Variants in NOX4 observed in about 807,000 individuals in gnomAD.
NOX4 encodes the protein NADPH oxidase 4.
NOX4 carries 69 observed loss-of-function variants against 87.6 expected under a neutral mutation model. That is an observed-to-expected ratio of 0.79 (90% CI 0.65 to 0.96). NOX4 has a LOEUF of 0.96. Ranked by LOEUF, NOX4 falls within the 40% of genes least tolerant of loss-of-function variation. The pLI is 0.00. For synonymous variants in NOX4, 275 were observed against 238.2 expected (o/e 1.15, Z -1.42); for missense variants, 680 against 681.5 (o/e 1.00, Z 0.02).
In NOX4 at chr11:89,355,022, A is replaced by T. The variant is rs1466308342; in HGVS notation, c.1157T>A (p.Leu386Gln). ...DWTERFRDLL[L>Q]PPSSQDSEIL... Reference sequence around the variant, plus strand: ...TTCGGAGTCTTGACTAGATGGAGGCAGTAGTAAATCTCGAAATCGTTCTGT... The same window carrying T: ...TTCGGAGTCTTGACTAGATGGAGGCTGTAGTAAATCTCGAAATCGTTCTGT... Residue 386 changes from leucine (L) to glutamine (Q), a missense_variant, in exon 13 of 18, where the codon CTG (leucine) becomes CAG (glutamine). Physicochemically the swap from Leu to Gln is moderately radical, Grantham distance 113 (BLOSUM62 -2). Transcript: ENST00000263317. 1.2e-5 allele frequency: 19 copies of T among 1,600,576 alleles called. No individual in the cohort carries two copies. In the Middle Eastern group the frequency reaches 8.3e-4, roughly 70 times the overall value.
At chr11:89,543,768 G>T in the NOX4 span, among the ~76,000 whole-genome samples, 1 of 152,038 alleles carries the variant, frequency 6.6e-6, no homozygotes, top group African/African-American at 2.4e-5. Flanking sequence ...CTCCTCAATT[G>T]TCATTGTGGA....
At chr11:89,563,195 C>T in the NOX4 span, among the ~76,000 whole-genome samples, 185 of 152,232 alleles carry the variant, frequency 1.2e-3, no homozygotes, top group South Asian at 8.1e-3. Context: ...TAATAATATT[C>T]AGAAAAGAGG....
the NOX4 span, among the ~76,000 whole-genome samples, chr11:89,543,015 C>T: frequency 2.0e-5 from 3 of 152,170 alleles, no homozygotes; most frequent in East Asian, 1.9e-4. Context: ...AATTAAAGCT[C>T]TTTAGAAATG....
the NOX4 span, among the ~76,000 whole-genome samples, chr11:89,573,247 G>A: frequency 1.3e-5 from 2 of 152,138 alleles, no homozygotes; most frequent in Non-Finnish European, 2.9e-5. Context: ...TTTAAGAACT[G>A]ATGCTTTTGG....
chr11:89,514,007 A>G, the NOX4 span, among the ~76,000 whole-genome samples: 1 of 152,092 alleles, frequency 6.6e-6, no homozygotes, highest in Admixed American at 6.6e-5. Context: ...CAGCCTCTAG[A>G]ACCACAAGGT....
At chr11:89,486,731 TA>T (rs780421519) in intron 2 of NOX4, among the ~76,000 whole-genome samples, 15 of 145,592 alleles carry the variant, frequency 1.0e-4, no homozygotes, top group Admixed American at 7.1e-4. Context: ...TATATATGTA[TA>T]TTTTTTTTAT....
chr11:89,476,874 A>G (rs1029376094), intron 2 of NOX4, among the ~76,000 whole-genome samples: 8 of 152,230 alleles, frequency 5.3e-5, no homozygotes, highest in Admixed American at 2.0e-4. Flanking sequence ...AGGAAACTAA[A>G]TAAGTCCTAT....
At position 89,400,078 on chromosome 11, in the gene NOX4, T is replaced by C. The variant is rs1941737537; in HGVS notation, c.1013A>G (p.Tyr338Cys). The C allele has an allele frequency of 6.2e-7, 1 of 1,602,848 alleles. No individual in the cohort carries two copies. Among genetic ancestry groups the C allele is most frequent in the Non-Finnish European group, 8.5e-7 (1 of 1,171,722 alleles). ...TACACTGGGACAATGTAGAGTAATA[T>C]ACTAAAAAGCAACAAACAGATAAGT... Reference protein sequence around the residue: ...KENFKARPGQYITLHCPSVSA... With the variant: ...KENFKARPGQCITLHCPSVSA... The change falls in exon 11 of 18, where the codon TAT becomes TGT. Residue 338 changes from tyrosine (Y) to cysteine (C), a missense_variant and splice_region_variant. Tyr to Cys is a radical substitution (Grantham distance 194). Transcript: ENST00000263317.
At chr11:89,465,507 T>C (rs146413546) in intron 2 of NOX4, among the ~76,000 whole-genome samples, 6,981 of 152,286 alleles carry the variant, frequency 0.046, 338 homozygotes, top group Admixed American at 0.14. Flanking sequence ...AGTAATGTGA[T>C]TGCTGGGTCA....
chr11:89,351,733 G>A (rs1482462019), intron 13 of NOX4, among the ~76,000 whole-genome samples: 1 of 152,022 alleles, frequency 6.6e-6, no homozygotes, highest in African/African-American at 2.4e-5. Context: ...TAGATAGCAT[G>A]GTTTACTGAA....
At chr11:89,532,328 G>A in the NOX4 span, among the ~76,000 whole-genome samples, 1 of 152,180 alleles carries the variant, frequency 6.6e-6, no homozygotes, top group African/African-American at 2.4e-5. Flanking sequence ...AAGGCCTTGG[G>A]AGCCCACCCC....
the NOX4 span, among the ~76,000 whole-genome samples, chr11:89,560,996 C>CTATATATATA: frequency 3.9e-4 from 16 of 40,804 alleles, no homozygotes; most frequent in African/African-American, 1.8e-3. Flanking sequence ...CTCTCTCTCT[C>CTATATATATA]TATATATATA....
chr11:89,329,036 A>G (rs1162672349), intron 17 of NOX4, among the ~76,000 whole-genome samples: 2 of 151,994 alleles, frequency 1.3e-5, no homozygotes, highest in Non-Finnish European at 2.9e-5. Context: ...GTATATTGCT[A>G]TGGTAGCCCT....
the NOX4 span, among the ~76,000 whole-genome samples, chr11:89,573,934 G>A: frequency 6.6e-6 from 1 of 152,112 alleles, no homozygotes; most frequent in Non-Finnish European, 1.5e-5. Flanking sequence ...GCCCATCTGA[G>A]GATTCCTTCC....
At chr11:89,426,358 C>A (rs1302101354) in intron 7 of NOX4, among the ~76,000 whole-genome samples, 2 of 151,986 alleles carry the variant, frequency 1.3e-5, no homozygotes, top group African/African-American at 2.4e-5. Flanking sequence ...CTCACTAGGG[C>A]TTGTCAGACA....
chr11:89,331,696 G>C (rs944831751), intron 17 of NOX4, among the ~76,000 whole-genome samples: 1 of 151,438 alleles, frequency 6.6e-6, no homozygotes. Flanking sequence ...AAAGGCCCTT[G>C]TTAAATACTT....
At chr11:89,467,184 T>TA (rs1258553424) in intron 2 of NOX4, among the ~76,000 whole-genome samples, 5 of 150,940 alleles carry the variant, frequency 3.3e-5, no homozygotes, top group East Asian at 3.9e-4. Flanking sequence ...CCATCTCTAC[T>TA]AAAAAAATAC....
chr11:89,430,996 C>T (rs1943750884), intron 7 of NOX4, among the ~76,000 whole-genome samples: 3 of 152,108 alleles, frequency 2.0e-5, no homozygotes, highest in African/African-American at 4.8e-5. Flanking sequence ...GGTACTGCTA[C>T]CAAAACAGAG....
chr11:89,505,334 A>T, the NOX4 span, among the ~76,000 whole-genome samples: 5 of 152,000 alleles, frequency 3.3e-5, no homozygotes, highest in African/African-American at 1.2e-4. Flanking sequence ...AATGAGCCCG[A>T]TAAGTTGTTA....
Sources: allele counts gnomAD v4.1 joint callset (sites outside exome capture counted in the v4.1 genomes callset), GRCh38; gene constraint gnomAD v4.1.1; transcripts MANE v1.5; gene names NCBI Gene and HGNC (gene_info 2026-07-23, HGNC 2026-07-21).